Variants in DTNB observed in about 807,000 individuals in gnomAD.
DTNB encodes the protein DTN-B.
A neutral mutation model predicts 90.7 loss-of-function variants in DTNB; 63 were observed. The ratio of observed to expected loss-of-function variants is 0.69; its 90% confidence interval spans 0.57 to 0.86. The LOEUF is 0.86. Ranked by LOEUF, DTNB falls within the 40% of genes least tolerant of loss-of-function variation. The probability of loss-of-function intolerance (pLI) is 0.00; values close to 1 mark genes in which losing one functional copy is unlikely to be tolerated. For synonymous variants in DTNB, 277 were observed against 286.7 expected (o/e 0.97, Z 0.34); for missense variants, 744 against 807.1 (o/e 0.92, Z 0.95).
At chr2:25,626,734 C>G (rs915026504) in intron 4 of DTNB, among the ~76,000 whole-genome samples, 1 of 152,354 alleles carries the variant, frequency 6.6e-6, no homozygotes, top group South Asian at 2.1e-4. Flanking sequence ...AGTGTTACCA[C>G]TAATTCACAG....
At chr2:25,557,623 C>G (rs919973013) in intron 8 of DTNB, among the ~76,000 whole-genome samples, 4 of 152,208 alleles carry the variant, frequency 2.6e-5, no homozygotes, top group African/African-American at 9.7e-5. Flanking sequence ...TCAGCCTCAA[C>G]CCAGACCTAC....
Position 25,583,608 on chromosome 2 carries a change from G to A in DTNB, c.604-2782C>T, listed in dbSNP as rs574703723. 7.4e-4 allele frequency among the ~76,000 whole-genome samples: 112 copies of A among 151,718 alleles called. 1 individual carries two copies. The highest frequency in any genetic ancestry group is 2.5e-3 in the African/African-American group (105 of 41,386). On this transcript the variant is annotated intron_variant, in intron 6 of 20. Transcript: ENST00000406818. ...GCAACCTTGGCTCACTGCAACCTCC[G>A]ACTCCCTGGTTCAAGCAATTCTTCT...
intron 9 of DTNB, among the ~76,000 whole-genome samples, chr2:25,502,844 C>A (rs1459616412): frequency 6.8e-6 from 1 of 147,028 alleles, no homozygotes. Context: ...TGAGATTGCA[C>A]CACTGCACTC....
At chr2:25,641,873 T>G (rs1274004048) in intron 2 of DTNB, among the ~76,000 whole-genome samples, 1 of 152,164 alleles carries the variant, frequency 6.6e-6, no homozygotes, top group East Asian at 1.9e-4. Flanking sequence ...CAGGCTGGAG[T>G]GCAGTAGCAC....
chr2:25,659,596 G>T lies in DTNB; in HGVS notation c.-1-6935C>A, dbSNP rs370294722. ...ACTACAGAACACATGAACATTAAAA[G>T]AAACACCATAGAAATATTATGAACA... is the stretch of plus-strand genomic sequence containing the variant. On this transcript the variant is annotated intron_variant, in intron 1 of 20. Transcript: ENST00000406818. Among the ~76,000 whole-genome samples the T allele has an allele frequency of 6.1e-4, 93 of 152,102 alleles. 3 individuals carry two copies. The South Asian group carries it at 0.018, about 30-fold the overall frequency.
At chr2:25,603,957 T>G (rs191004876) in intron 5 of DTNB, among the ~76,000 whole-genome samples, 1 of 152,110 alleles carries the variant, frequency 6.6e-6, no homozygotes, top group Admixed American at 6.5e-5. Context: ...GTTCTGAAAA[T>G]AGCCAAAGCT....
intron 9 of DTNB, among the ~76,000 whole-genome samples, chr2:25,485,603 G>A (rs1036591638): frequency 2.6e-5 from 4 of 152,060 alleles, no homozygotes; most frequent in Admixed American, 2.0e-4. Flanking sequence ...ACCCCCAAAT[G>A]TCATAGCCTT....
At chr2:25,465,237 G>T (rs565406972) in intron 10 of DTNB, among the ~76,000 whole-genome samples, 1 of 151,990 alleles carries the variant, frequency 6.6e-6, no homozygotes, top group East Asian at 1.9e-4. Flanking sequence ...TTAGCCGGGC[G>T]TGGTGGCGGG....
intron 6 of DTNB, among the ~76,000 whole-genome samples, chr2:25,591,594 G>A (rs949850823): frequency 1.3e-5 from 2 of 152,114 alleles, no homozygotes; most frequent in Non-Finnish European, 2.9e-5. Context: ...CAGTTAGTTT[G>A]TAAACTCTGA....
Position 25,455,508 on chromosome 2 carries a change from A to T in DTNB, c.1080-14T>A. On this transcript the variant is annotated splice_polypyrimidine_tract_variant and intron_variant, in intron 10 of 20. Transcript: ENST00000406818. ...CTATACTGTAACCTAGGAACAATGG[A>T]GGCAAAGACAGCAAGCGTGACACAA... The T allele has an allele frequency of 6.3e-7, 1 of 1,596,980 alleles. No homozygotes were observed. The highest frequency in any genetic ancestry group is 8.5e-7 in the Non-Finnish European group (1 of 1,171,242).
At chr2:25,410,699 G>C (rs534021039) in intron 16 of DTNB, among the ~76,000 whole-genome samples, 2 of 151,984 alleles carry the variant, frequency 1.3e-5, no homozygotes, top group South Asian at 2.1e-4. Context: ...ATGACGAGGC[G>C]GGGGGGCAAT....
chr2:25,605,241 T>A (rs2066851666), intron 5 of DTNB, among the ~76,000 whole-genome samples: 1 of 152,162 alleles, frequency 6.6e-6, no homozygotes, highest in Non-Finnish European at 1.5e-5. Flanking sequence ...ACACTTGAAA[T>A]CTACTTGAAT....
intron 16 of DTNB, among the ~76,000 whole-genome samples, chr2:25,393,632 AT>A (rs1469362286): frequency 2.6e-5 from 4 of 152,276 alleles, no homozygotes; most frequent in African/African-American, 9.6e-5. Context: ...CCCTTTCAGA[AT>A]ACCTGCAAAA....
rs2075569765 is a variant in DTNB at position 25,630,882 on chromosome 2, G to A, written c.149-2498C>T. Among the ~76,000 whole-genome samples, 3 of 146,796 alleles carry A rather than the reference G, an allele frequency of 2.0e-5. No individual in the cohort carries two copies. In the South Asian group the frequency reaches 6.5e-4, roughly 32 times the overall value. On this transcript the variant is annotated intron_variant, in intron 3 of 20. Coordinates refer to ENST00000406818, the MANE Select transcript of DTNB (RefSeq NM_021907.5). The stretch of plus-strand genomic sequence containing the variant: ...AAAAAAAAAAAGGGGATGAAGTGCT[G>A]ATGCATTCTGCAATATGGATAAACC...
rs1416719367 is a variant in DTNB at position 25,433,994 on chromosome 2, G to A, written c.1259C>T (p.Thr420Ile). The A allele has an allele frequency of 6.2e-7, 1 of 1,610,708 alleles. No homozygotes were observed. The highest frequency in any genetic ancestry group is 1.7e-5 in the Admixed American group (1 of 59,784). Reference protein sequence around the residue: ...ARLAAEAGNVTRPPTDLSFNF... With the variant: ...ARLAAEAGNVIRPPTDLSFNF... ...AAAGCTCAAGTCAGTGGGAGGACGA[G>A]TCTAAAGTGGGGAAGTCGGGAGAAA... The change falls in exon 13 of 21, where the codon ACT becomes ATT. Residue 420 changes from threonine (T) to isoleucine (I), a missense_variant and splice_region_variant. Coordinates refer to ENST00000406818, the MANE Select transcript of DTNB (RefSeq NM_021907.5).
chr2:25,596,131 A>C lies in DTNB; in HGVS notation c.558T>G (p.Ser186=). ...KLPTAVFEGP[S]FGYTEHSVRT... ...GGACTGAGTGCTCTGTGTAACCAAA[A>C]GATGGCCCTTCAAAGACAGCTGTTG... Residue 186 remains serine, a synonymous_variant, in exon 6 of 21, where the codon TCT becomes TCG. Transcript: ENST00000406818. 6.2e-7 allele frequency: 1 copy of C among 1,613,416 alleles called. No homozygotes were observed. The highest frequency in any genetic ancestry group is 8.5e-7 in the Non-Finnish European group (1 of 1,179,636).
At chr2:25,642,639 C>T (rs2078592401) in intron 2 of DTNB, among the ~76,000 whole-genome samples, 2 of 151,632 alleles carry the variant, frequency 1.3e-5, no homozygotes, top group East Asian at 2.0e-4. Context: ...CTTGAACTCC[C>T]GAGCTCAATG....
At chr2:25,445,417 A>G (rs2058251515) in intron 12 of DTNB, among the ~76,000 whole-genome samples, 1 of 152,216 alleles carries the variant, frequency 6.6e-6, no homozygotes, top group African/African-American at 2.4e-5. Context: ...ATTTTCAAGG[A>G]AAGGATTTTG....
chr2:25,626,051 T>C (rs1022121092), intron 4 of DTNB, among the ~76,000 whole-genome samples: 1 of 152,172 alleles, frequency 6.6e-6, no homozygotes, highest in African/African-American at 2.4e-5. Context: ...CCTCCAGAAT[T>C]GTAAGAAATA....
Sources: gnomAD v4.1 joint callset for allele counts (sites outside exome capture counted in the v4.1 genomes callset) on GRCh38, gnomAD v4.1.1 for gene constraint, MANE v1.5 for transcripts, NCBI Gene and HGNC (gene_info 2026-07-23, HGNC 2026-07-21) for gene names.